TTC34: variants seen among roughly 807,000 people sequenced by gnomAD.
TTC34 encodes tetratricopeptide repeat protein 34.
In TTC34, 44 loss-of-function variants were observed where a neutral mutation model predicts 40.7. That is an observed-to-expected ratio of 1.08 (90% CI 0.85 to 1.39). TTC34 has a LOEUF of 1.39. Among genes scored for constraint, TTC34 ranks in the 40% most tolerant of loss-of-function variants. The pLI is 0.00. For synonymous variants in TTC34, 422 were observed against 398.6 expected (o/e 1.06, Z -0.70); for missense variants, 884 against 838.0 (o/e 1.05, Z -0.68).
chr1:2,687,102 C>A (rs575058682), intron 6 of TTC34, among the ~76,000 whole-genome samples: 15 of 94,568 alleles, frequency 1.6e-4, no homozygotes, highest in Middle Eastern at 7.9e-3. Flanking sequence ...GAACATCCGA[C>A]ATCGTGGAGT....
At position 2,783,778 on chromosome 1, in the gene TTC34, G is replaced by T. The variant is rs1212248156; in HGVS notation, c.2060-3C>A. ...GAGGGACTCACTTGCCTGGCTTCCT[G>T]CAGGAAGACGGCATGGGGTCAGGAT... On this transcript the variant is annotated splice_region_variant and splice_polypyrimidine_tract_variant and intron_variant, in intron 5 of 8. Coordinates refer to ENST00000401095, the Ensembl canonical transcript of TTC34. 1.3e-6 allele frequency: 2 copies of T among 1,492,358 alleles called. No individual in the cohort carries two copies. Among genetic ancestry groups the T allele is most frequent in the East Asian group, 2.5e-5 (1 of 39,868 alleles). The allele number at this position is 1,492,358 out of a possible 1,614,324, so 92.4% of individuals were successfully genotyped here.
At chr1:2,686,264 TGGA>T (rs1366997915) in intron 6 of TTC34, among the ~76,000 whole-genome samples, 1 of 144,942 alleles carries the variant, frequency 6.9e-6, no homozygotes, top group African/African-American at 2.7e-5. Flanking sequence ...TCTGACAGCG[TGGA>T]GGAGCACCCA....
At chr1:2,756,142 A>G (rs1641499163) in intron 6 of TTC34, among the ~76,000 whole-genome samples, 1 of 55,226 alleles carries the variant, frequency 1.8e-5, no homozygotes, top group South Asian at 9.7e-4. Context: ...AACAGCACCC[A>G]TACGCCCAGA....
chr1:2,644,701 G>A (rs544736188), intron 7 of TTC34, among the ~76,000 whole-genome samples: 1 of 152,312 alleles, frequency 6.6e-6, no homozygotes, highest in East Asian at 1.9e-4. Flanking sequence ...CTACCACACC[G>A]TGGGCACTAC....
intron 6 of TTC34, among the ~76,000 whole-genome samples, chr1:2,681,994 G>C (rs1384416616): frequency 8.1e-6 from 1 of 123,356 alleles, no homozygotes; most frequent in Non-Finnish European, 1.7e-5. Flanking sequence ...ACCCCCAGGT[G>C]AGCATCAGAC....
intron 6 of TTC34, among the ~76,000 whole-genome samples, chr1:2,695,028 CT>C (rs1640796263): frequency 2.6e-5 from 4 of 151,660 alleles, no homozygotes; most frequent in African/African-American, 7.3e-5. Flanking sequence ...GAACAGCACC[CT>C]GCACCCCCAG....
intron 8 of TTC34, 149 bp from the exon 9 acceptor site, chr1:2,642,044 G>T: frequency 1.1e-6 from 1 of 902,596 alleles, no homozygotes; most frequent in Non-Finnish European, 1.6e-6. Flanking sequence ...GCTGCCCGCT[G>T]CTTCTGGAGG....
At chr1:2,642,330 C>G (rs1570743866) in intron 8 of TTC34, among the ~76,000 whole-genome samples, 1 of 152,290 alleles carries the variant, frequency 6.6e-6, no homozygotes, top group East Asian at 1.9e-4. Flanking sequence ...CCCTCTGGGC[C>G]AAGTCACCTC....
At chr1:2,688,223 C>G (rs1468529970) in intron 6 of TTC34, among the ~76,000 whole-genome samples, 1 of 130,076 alleles carries the variant, frequency 7.7e-6, no homozygotes, top group African/African-American at 3.2e-5. Context: ...AGGGGAGCAT[C>G]CGACAGCCTG....
intron 6 of TTC34, among the ~76,000 whole-genome samples, chr1:2,753,129 C>T (rs1641381600): frequency 7.5e-6 from 1 of 133,372 alleles, no homozygotes; most frequent in African/African-American, 3.0e-5. Flanking sequence ...GGAACAGCAC[C>T]AAAAACCCCA....
chr1:2,686,833 G>A (rs796187910), intron 6 of TTC34, among the ~76,000 whole-genome samples: 36 of 86,974 alleles, frequency 4.1e-4, no homozygotes, highest in African/African-American at 8.5e-4. Flanking sequence ...GCCTGGAGCA[G>A]CACCCCACAC....
intron 6 of TTC34, among the ~76,000 whole-genome samples, chr1:2,683,473 C>G (rs1259679779): frequency 6.7e-6 from 1 of 150,034 alleles, no homozygotes; most frequent in Non-Finnish European, 1.5e-5. Context: ...GCACCCACAC[C>G]ACCAGGCGAG....
chr1:2,785,773 T>A, intron 5 of TTC34, 46 bp downstream of exon 5: 1 of 1,518,910 alleles, frequency 6.6e-7, no homozygotes, highest in Non-Finnish European at 8.8e-7. Context: ...ATGTCCCCTG[T>A]GCCTGGCACA....
intron 6 of TTC34, among the ~76,000 whole-genome samples, chr1:2,683,551 A>C (rs1251434348): frequency 7.1e-6 from 1 of 141,152 alleles, no homozygotes; most frequent in African/African-American, 2.7e-5. Flanking sequence ...CAGCACCCAC[A>C]ACCACAGGTG....
intron 2 of TTC34, among the ~76,000 whole-genome samples, chr1:2,798,619 T>C (rs1259025475): frequency 2.3e-3 from 31 of 13,618 alleles, no homozygotes; most frequent in South Asian, 5.6e-3. Context: ...CTCAGCCTCT[T>C]AGCCCCTCAG....
exon 9 of TTC34, chr1:2,641,742 C>CCCG (rs1284125069): frequency 6.5e-7 from 1 of 1,535,384 alleles, no homozygotes; most frequent in South Asian, 1.2e-5. Flanking sequence ...TCCCTAAGGG[C>CCCG]CCGGCCAAAC....
intron 7 of TTC34, among the ~76,000 whole-genome samples, 194 bp from the exon 8 acceptor site, chr1:2,644,672 C>T (rs559114096): frequency 6.6e-6 from 1 of 152,242 alleles, no homozygotes; most frequent in East Asian, 1.9e-4. Flanking sequence ...CACCTCTGAC[C>T]CCACTCCATG....
chr1:2,691,548 G>T (rs1445077349), intron 6 of TTC34, among the ~76,000 whole-genome samples: 1 of 131,294 alleles, frequency 7.6e-6, no homozygotes, highest in Admixed American at 8.0e-5. Flanking sequence ...CACACCCCCA[G>T]GTGAGCATCT....
rs1379618041 is a variant in TTC34 at position 2,750,038 on chromosome 1, C to A, written c.2226+33571G>T. On this transcript the variant is annotated intron_variant, in intron 6 of 8. Transcript: ENST00000401095. ...GAGCATCCGACAGCCTGGAGCAGCACCCACACCCTCAGGTGAGCATCTGAC... is the reference window on the plus strand; with the variant it reads ...GAGCATCCGACAGCCTGGAGCAGCAACCACACCCTCAGGTGAGCATCTGAC... Among the ~76,000 whole-genome samples the A allele has an allele frequency of 1.4e-4, 13 of 94,476 alleles. 3 individuals carry two copies. Among genetic ancestry groups the A allele is most frequent in the Non-Finnish European group, 1.8e-4 (9 of 48,930 alleles). 62.0% of individuals were successfully genotyped at this position (94,476 alleles called of 152,430 possible).
Sources: gnomAD v4.1 joint callset for allele counts (sites outside exome capture counted in the v4.1 genomes callset) on GRCh38, gnomAD v4.1.1 for gene constraint, MANE v1.5 for transcripts, NCBI Gene and HGNC (gene_info 2026-07-23, HGNC 2026-07-21) for gene names.